PDXDC1: variants seen among roughly 807,000 people sequenced by gnomAD.
PDXDC1 encodes pyridoxal-dependent decarboxylase domain-containing protein 1.
A neutral mutation model predicts 100.1 loss-of-function variants in PDXDC1; 42 were observed. That is an observed-to-expected ratio of 0.42 (90% CI 0.33 to 0.54). PDXDC1 has a LOEUF of 0.54. PDXDC1 is among the 20% of genes least tolerant of loss of function. The pLI is 0.10. For missense variants in PDXDC1, 636 were observed against 979.2 expected (o/e 0.65, Z 4.68); for synonymous variants, 260 against 371.7 (o/e 0.70, Z 3.46).
the PDXDC1 span, among the ~76,000 whole-genome samples, chr16:15,146,968 G>A: frequency 5.6e-4 from 85 of 152,190 alleles, no homozygotes; most frequent in Non-Finnish European, 1.0e-3. Flanking sequence ...GCGCTGGGAC[G>A]TGAACCCAAG....
At chr16:15,081,766 T>C (rs895522789) in intron 16 of PDXDC1, among the ~76,000 whole-genome samples, 1 of 152,186 alleles carries the variant, frequency 6.6e-6, no homozygotes, top group East Asian at 1.9e-4. Context: ...ATCATGAAAA[T>C]GTACTCGTTT....
intron 16 of PDXDC1, chr16:15,131,198 C>G (rs766661503): frequency 2.5e-6 from 4 of 1,588,742 alleles, no homozygotes; most frequent in Non-Finnish European, 1.7e-6. Flanking sequence ...ACGGAGTTGG[C>G]AGAGCTGCGG....
At chr16:15,087,338 A>G (rs1320133397) in intron 16 of PDXDC1, among the ~76,000 whole-genome samples, 2 of 152,170 alleles carry the variant, frequency 1.3e-5, no homozygotes, top group Non-Finnish European at 2.9e-5. Flanking sequence ...ATGTTTAGTT[A>G]TTCCCATTTT....
At chr16:15,140,541 C>G (rs1048023299), downstream of PDXDC1, among the ~76,000 whole-genome samples, 3 of 151,574 alleles carry the variant, frequency 2.0e-5, no homozygotes, top group African/African-American at 7.3e-5. Context: ...AAAAACCAGG[C>G]AATTAAAAGA....
At chr16:15,052,340 T>G (rs1421468923) in intron 16 of PDXDC1, among the ~76,000 whole-genome samples, 1 of 152,238 alleles carries the variant, frequency 6.6e-6, no homozygotes, top group Non-Finnish European at 1.5e-5. Flanking sequence ...TAAAGACCAT[T>G]CTTGGCCTAT....
At chr16:15,030,558 A>AAG (rs1227103507) in intron 16 of PDXDC1, among the ~76,000 whole-genome samples, 1 of 149,432 alleles carries the variant, frequency 6.7e-6, no homozygotes. Context: ...AAAAAAAAAA[A>AAG]AAAAAAAAAA....
chr16:15,129,184 C>T (rs545678024), intron 16 of PDXDC1, among the ~76,000 whole-genome samples: 4 of 151,866 alleles, frequency 2.6e-5, no homozygotes, highest in Admixed American at 1.3e-4. Flanking sequence ...AAAATGGGAA[C>T]ACGGCCAGGT....
chr16:15,010,508 C>G (rs1206990953), intron 8 of PDXDC1: 1 of 154,324 alleles, frequency 6.5e-6, no homozygotes, highest in East Asian at 1.9e-4. Flanking sequence ...AATAATTGTA[C>G]TGACGTTGTA....
intron 16 of PDXDC1, among the ~76,000 whole-genome samples, chr16:15,054,099 A>AT (rs1474245473): frequency 6.6e-6 from 1 of 152,146 alleles, no homozygotes; most frequent in Non-Finnish European, 1.5e-5. Context: ...TGGCCAGGAC[A>AT]CCCACCCACT....
At chr16:15,017,718 T>G (rs1174167524) in intron 11 of PDXDC1, among the ~76,000 whole-genome samples, 2 of 152,266 alleles carry the variant, frequency 1.3e-5, no homozygotes, top group East Asian at 3.8e-4. Flanking sequence ...TTCCTTAGAA[T>G]AGGTTCCCAG....
intron 2 of PDXDC1, 50 bp downstream of exon 2, chr16:14,997,876 G>A: frequency 6.4e-7 from 1 of 1,556,828 alleles, no homozygotes; most frequent in East Asian, 2.4e-5. Context: ...CTGCTGTGAA[G>A]CCAGTGGCTC....
At chr16:14,984,108 A>G (rs1331531464) in intron 1 of PDXDC1, among the ~76,000 whole-genome samples, 1 of 152,184 alleles carries the variant, frequency 6.6e-6, no homozygotes, top group Non-Finnish European at 1.5e-5. Flanking sequence ...GGCTGCAGGG[A>G]GCCACGATAG....
At chr16:14,991,377 C>CAGAG (rs1164244613) in intron 1 of PDXDC1, among the ~76,000 whole-genome samples, 1 of 152,198 alleles carries the variant, frequency 6.6e-6, no homozygotes, top group Non-Finnish European at 1.5e-5. Flanking sequence ...GGCTCACCAC[C>CAGAG]AGAGCCTCAA....
chr16:15,010,087 C>A (rs1371769377), intron 8 of PDXDC1, among the ~76,000 whole-genome samples: 1 of 152,406 alleles, frequency 6.6e-6, no homozygotes, highest in African/African-American at 2.4e-5. Flanking sequence ...CACTCTGTTG[C>A]CCAGGCTGGA....
chr16:15,148,948 C>T, the PDXDC1 span, among the ~76,000 whole-genome samples: 1 of 152,236 alleles, frequency 6.6e-6, no homozygotes, highest in Non-Finnish European at 1.5e-5. Context: ...GGCGAGTTTG[C>T]ATCCGTGTCT....
chr16:15,145,708 T>G, the PDXDC1 span, among the ~76,000 whole-genome samples: 1 of 152,204 alleles, frequency 6.6e-6, no homozygotes, highest in Non-Finnish European at 1.5e-5. Flanking sequence ...GAGCGAGGTG[T>G]TCTGGGAAAG....
intron 1 of PDXDC1, among the ~76,000 whole-genome samples, chr16:14,979,274 A>T (rs1479830769): frequency 6.6e-6 from 1 of 151,802 alleles, no homozygotes; most frequent in Admixed American, 6.6e-5. Flanking sequence ...TCCACTGGAC[A>T]GTGCTAAGAG....
chr16:15,079,949 C>G (rs1434406372), intron 16 of PDXDC1: 4 of 1,518,246 alleles, frequency 2.6e-6, no homozygotes, highest in Non-Finnish European at 3.6e-6. Flanking sequence ...GTGATTATAA[C>G]AAATTCAAGT....
At chr16:15,122,858 G>GGGAGGGGAAGT in intron 16 of PDXDC1, among the ~76,000 whole-genome samples, 1 of 132,478 alleles carries the variant, frequency 7.5e-6, no homozygotes, top group South Asian at 2.8e-4. Context: ...GGAGGGGAAG[G>GGGAGGGGAAGT]GGGGAGTAAG....
Sources: allele counts gnomAD v4.1 joint callset (sites outside exome capture counted in the v4.1 genomes callset), GRCh38; gene constraint gnomAD v4.1.1; transcripts MANE v1.5; gene names NCBI Gene and HGNC (gene_info 2026-07-23, HGNC 2026-07-21).